MGAT4C: variants seen among roughly 807,000 people sequenced by gnomAD.
MGAT4C encodes MGAT4 family member C, also known as alpha-1,3-mannosyl-glycoprotein 4-beta-N-acetylglucosaminyltransferase C.
In MGAT4C, 19 loss-of-function variants were observed where a neutral mutation model predicts 40.1. The ratio of observed to expected loss-of-function variants is 0.47; its 90% CI spans 0.33 to 0.70. The LOEUF is 0.70. Among genes scored for constraint, MGAT4C ranks in the 30% least tolerant of loss-of-function variants. MGAT4C has a pLI of 0.02. For synonymous variants in MGAT4C, 181 were observed against 187.1 expected (o/e 0.97, Z 0.27); for missense variants, 491 against 563.2 (o/e 0.87, Z 1.30).
At chr12:86,027,153 G>A (rs1407321375) in intron 2 of MGAT4C, among the ~76,000 whole-genome samples, 7 of 151,778 alleles carry the variant, frequency 4.6e-5, no homozygotes, top group Admixed American at 4.6e-4. Flanking sequence ...TAAGCAAACT[G>A]AACATACAGT....
intron 2 of MGAT4C, among the ~76,000 whole-genome samples, chr12:86,029,560 G>A (rs1235107718): frequency 2.0e-5 from 3 of 151,948 alleles, no homozygotes; most frequent in Admixed American, 1.3e-4. Flanking sequence ...AATGTCAGAC[G>A]GCTGGGTTCC....
intron 3 of MGAT4C, among the ~76,000 whole-genome samples, chr12:85,988,594 GGACA>G (rs1456691360): frequency 1.3e-5 from 2 of 151,592 alleles, no homozygotes; most frequent in Non-Finnish European, 2.9e-5. Context: ...ATACAAATTA[GGACA>G]GATATTTTAG....
intron 2 of MGAT4C, among the ~76,000 whole-genome samples, chr12:85,992,906 C>G (rs1886122839): frequency 6.6e-6 from 1 of 152,178 alleles, no homozygotes; most frequent in Admixed American, 6.5e-5. Flanking sequence ...GAGACGGTCC[C>G]AGGGAAATAG....
intron 1 of MGAT4C, among the ~76,000 whole-genome samples, chr12:86,240,940 A>T (rs771419628): frequency 1.3e-5 from 2 of 152,132 alleles, no homozygotes; most frequent in African/African-American, 2.4e-5. Context: ...CCTGAATTAT[A>T]TCAGAGCCTT....
intron 1 of MGAT4C, among the ~76,000 whole-genome samples, chr12:86,761,815 A>T (rs1483799882): frequency 6.6e-6 from 1 of 152,074 alleles, no homozygotes; most frequent in Non-Finnish European, 1.5e-5. Context: ...TCTCTTTCTT[A>T]AGGACCTTTG....
Position 86,447,702 on chromosome 12 carries a change from C to A in MGAT4C, c.-228-12437G>T, listed in dbSNP as rs1282339715. On this transcript the variant is annotated intron_variant, in intron 2 of 7. Transcript: ENST00000548651. ...TATTCCAAAATGATATGTCAGCCAT[C>A]CAATATATAGACCAAATACAAGTTG... Among the ~76,000 whole-genome samples the A allele has an allele frequency of 5.9e-5, 9 of 152,078 alleles. No homozygotes were observed. In the East Asian group the frequency reaches 1.7e-3, roughly 29 times the overall value.
chr12:86,116,033 T>C (rs1566004797), intron 1 of MGAT4C, among the ~76,000 whole-genome samples: 1 of 151,992 alleles, frequency 6.6e-6, no homozygotes, highest in Non-Finnish European at 1.5e-5. Context: ...GAATTTGCAA[T>C]AATATTCCAG....
intron 4 of MGAT4C, among the ~76,000 whole-genome samples, chr12:86,326,664 T>G (rs1954535500): frequency 6.6e-6 from 1 of 152,114 alleles, no homozygotes; most frequent in Non-Finnish European, 1.5e-5. Flanking sequence ...TTTGTGTTTG[T>G]AAAACAAATA....
intron 1 of MGAT4C, among the ~76,000 whole-genome samples, chr12:86,809,920 C>T (rs541810171): frequency 9.5e-4 from 145 of 152,112 alleles, no homozygotes; most frequent in Non-Finnish European, 1.6e-3. Context: ...AGCACCTTTA[C>T]TAAAATTGCA....
At chr12:86,239,346 T>G (rs1325387295) in intron 1 of MGAT4C, among the ~76,000 whole-genome samples, 1 of 152,006 alleles carries the variant, frequency 6.6e-6, no homozygotes, top group Non-Finnish European at 1.5e-5. Flanking sequence ...ACACAGAAAT[T>G]TAATTTAAGG....
chr12:86,300,464 T>C (rs900820813), intron 4 of MGAT4C, among the ~76,000 whole-genome samples: 6 of 152,046 alleles, frequency 3.9e-5, no homozygotes, highest in African/African-American at 9.7e-5. Flanking sequence ...AAAATCTGTC[T>C]AGGTATATAT....
chr12:86,345,230 T>C (rs1288457471), intron 3 of MGAT4C, among the ~76,000 whole-genome samples: 3 of 152,016 alleles, frequency 2.0e-5, no homozygotes, highest in African/African-American at 7.2e-5. Context: ...TTTGCTTATT[T>C]TTTATGCTCA....
At chr12:86,580,396 T>C (rs1285399396) in intron 2 of MGAT4C, among the ~76,000 whole-genome samples, 1 of 151,492 alleles carries the variant, frequency 6.6e-6, no homozygotes, top group Non-Finnish European at 1.5e-5. Context: ...ACTATATCTA[T>C]CCCTAAGGTA....
At position 86,607,884 on chromosome 12, in the gene MGAT4C, A is replaced by G. The variant is rs376106671; in HGVS notation, c.-229+119325T>C. Reference sequence around the variant, plus strand: ...GAGAAACACATGTCACCTGTTGGATATCTTTATGCCATCATTATTTGATTG... The same window carrying G: ...GAGAAACACATGTCACCTGTTGGATGTCTTTATGCCATCATTATTTGATTG... On this transcript the variant is annotated intron_variant, in intron 2 of 7. Transcript: ENST00000548651. 2.0e-5 allele frequency among the ~76,000 whole-genome samples: 3 copies of G among 152,064 alleles called. No homozygotes were observed. The East Asian group carries it at 5.8e-4, about 29-fold the overall frequency.
chr12:86,769,345 A>T (rs561187873), intron 1 of MGAT4C, among the ~76,000 whole-genome samples: 3 of 138,248 alleles, frequency 2.2e-5, no homozygotes, highest in Non-Finnish European at 4.9e-5. Context: ...TTAGAATGGC[A>T]ATCATTAAAA....
chr12:86,362,105 G>C (rs960700356), intron 3 of MGAT4C, among the ~76,000 whole-genome samples: 3 of 152,178 alleles, frequency 2.0e-5, no homozygotes, highest in Admixed American at 1.3e-4. Flanking sequence ...ATCAATGATA[G>C]ACTGGATTAA....
At chr12:86,452,513 T>A (rs1313723123) in intron 2 of MGAT4C, among the ~76,000 whole-genome samples, 1 of 151,970 alleles carries the variant, frequency 6.6e-6, no homozygotes, top group Non-Finnish European at 1.5e-5. Flanking sequence ...TAATTTCTAT[T>A]TATTTAGTCT....
At chr12:86,488,246 T>C (rs570364897) in intron 2 of MGAT4C, among the ~76,000 whole-genome samples, 2 of 148,520 alleles carry the variant, frequency 1.3e-5, no homozygotes, top group African/African-American at 4.9e-5. Context: ...GGAACCTTGT[T>C]TTCTACAAAA....
intron 1 of MGAT4C, among the ~76,000 whole-genome samples, chr12:86,793,716 G>T (rs1226962910): frequency 6.6e-6 from 1 of 151,772 alleles, no homozygotes; most frequent in Non-Finnish European, 1.5e-5. Flanking sequence ...AATTATTAAT[G>T]TATTCATTAA....
Sources: allele counts gnomAD v4.1 joint callset (sites outside exome capture counted in the v4.1 genomes callset), GRCh38; gene constraint gnomAD v4.1.1; transcripts MANE v1.5; gene names NCBI Gene and HGNC (gene_info 2026-07-23, HGNC 2026-07-21).